Variants in FHIT observed in about 807,000 individuals in gnomAD.
FHIT encodes the protein fragile histidine triad diadenosine triphosphatase, also known as bis(5'-adenosyl)-triphosphatase.
In FHIT, 19 loss-of-function variants were observed where a neutral mutation model predicts 17.9. That is an observed-to-expected ratio of 1.06 (90% CI 0.74 to 1.56). FHIT has a LOEUF of 1.56. FHIT is among the 40% of genes most tolerant of loss of function. The pLI, the probability that FHIT is intolerant of heterozygous loss-of-function variation, is 0.00. For missense variants in FHIT, 248 were observed against 189.2 expected, an observed-to-expected ratio of 1.31 and a Z score of -1.82; for synonymous variants, 81 against 69.7, an observed-to-expected ratio of 1.16 and a Z score of -0.81.
chr3:60,555,562 G>A (rs2036712983), intron 4 of FHIT, among the ~76,000 whole-genome samples: 3 of 152,152 alleles, frequency 2.0e-5, no homozygotes, highest in Admixed American at 6.5e-5. Context: ...TTTCTCAGCA[G>A]CTCTTAGAAT....
chr3:60,813,777 A>T (rs1331628695), intron 4 of FHIT, among the ~76,000 whole-genome samples: 2 of 152,212 alleles, frequency 1.3e-5, no homozygotes, highest in East Asian at 1.9e-4. Context: ...GAATTTTATC[A>T]AGTCTATATT....
intron 5 of FHIT, among the ~76,000 whole-genome samples, chr3:60,529,292 T>C (rs2035684153): frequency 1.3e-5 from 2 of 152,282 alleles, no homozygotes; most frequent in African/African-American, 4.8e-5. Context: ...GTATTTTGTA[T>C]ATATAATAAA....
chr3:60,669,276 T>C (rs1337804832), intron 4 of FHIT, among the ~76,000 whole-genome samples: 1 of 152,194 alleles, frequency 6.6e-6, no homozygotes, highest in African/African-American at 2.4e-5. Flanking sequence ...TCCTTGCAAA[T>C]GGACATAGGA....
intron 5 of FHIT, among the ~76,000 whole-genome samples, chr3:60,478,750 C>T (rs1418165015): frequency 6.6e-6 from 1 of 152,142 alleles, no homozygotes; most frequent in Non-Finnish European, 1.5e-5. Context: ...AAAAGGTGCT[C>T]CATTTTTTTG....
At chr3:60,726,653 T>A (rs2041922083) in intron 4 of FHIT, among the ~76,000 whole-genome samples, 1 of 152,206 alleles carries the variant, frequency 6.6e-6, no homozygotes, top group Admixed American at 6.5e-5. Flanking sequence ...ATAAATACAA[T>A]AATAATAGCT....
chr3:60,462,235 T>A (rs1421582841), intron 5 of FHIT, among the ~76,000 whole-genome samples: 2 of 152,202 alleles, frequency 1.3e-5, no homozygotes, highest in Non-Finnish European at 2.9e-5. Context: ...GCTGCCGTTC[T>A]AATATCAACT....
chr3:60,872,762 T>A (rs1233211506), intron 3 of FHIT, among the ~76,000 whole-genome samples: 1 of 152,078 alleles, frequency 6.6e-6, no homozygotes, highest in Non-Finnish European at 1.5e-5. Context: ...ACCCAAGTAA[T>A]ACATCTCAGG....
At chr3:61,154,478 AT>A (rs78142518) in intron 2 of FHIT, among the ~76,000 whole-genome samples, 1 of 151,990 alleles carries the variant, frequency 6.6e-6, no homozygotes, top group African/African-American at 2.4e-5. Flanking sequence ...AAATTTTGTT[AT>A]TTTTTTTCCT....
At chr3:59,934,822 G>A (rs980706462) in intron 7 of FHIT, among the ~76,000 whole-genome samples, 1 of 152,010 alleles carries the variant, frequency 6.6e-6, no homozygotes, top group African/African-American at 2.4e-5. Flanking sequence ...AGAACACGAT[G>A]GGGGAAACTG....
chr3:60,044,005 A>C (rs146948378), intron 5 of FHIT, among the ~76,000 whole-genome samples: 1 of 152,330 alleles, frequency 6.6e-6, no homozygotes, highest in Non-Finnish European at 1.5e-5. Context: ...TTAAAGCAAA[A>C]GTACTTATCC....
intron 3 of FHIT, among the ~76,000 whole-genome samples, chr3:61,032,288 C>A (rs1218644976): frequency 6.6e-6 from 1 of 152,268 alleles, no homozygotes; most frequent in East Asian, 1.9e-4. Context: ...GAGCCAGGAA[C>A]CTTCCAGAGC....
chr3:61,122,882 G>T (rs1369771968), intron 2 of FHIT, among the ~76,000 whole-genome samples: 4 of 152,202 alleles, frequency 2.6e-5, no homozygotes, highest in Admixed American at 2.6e-4. Context: ...TGGAGAAATA[G>T]GAATGCTTTT....
intron 4 of FHIT, among the ~76,000 whole-genome samples, chr3:60,593,792 A>G (rs1464079852): frequency 2.6e-5 from 4 of 152,120 alleles, no homozygotes; most frequent in African/African-American, 9.7e-5. Flanking sequence ...AAGAACTCAG[A>G]GACAGCCAAT....
Position 60,462,337 on chromosome 3 carries a change from C to G in FHIT, c.103+74523G>C, listed in dbSNP as rs116953026. ...CTGAGGCACAGAGTTGGCAAGGTTG[C>G]TAAGTGGCCAAGTTTGGTTTGAAGC... On this transcript the variant is annotated intron_variant, in intron 5 of 9. Coordinates refer to ENST00000492590, the MANE Select transcript of FHIT (RefSeq NM_002012.4). 3.0e-4 allele frequency among the ~76,000 whole-genome samples: 46 copies of G among 152,282 alleles called. No homozygotes were observed. The East Asian group carries it at 8.7e-3, about 29-fold the overall frequency.
chr3:60,594,716 T>C (rs1189643388), intron 4 of FHIT, among the ~76,000 whole-genome samples: 1 of 152,126 alleles, frequency 6.6e-6, no homozygotes, highest in Non-Finnish European at 1.5e-5. Context: ...ACCCTTGTTC[T>C]AGAAAGCCCA....
intron 2 of FHIT, among the ~76,000 whole-genome samples, chr3:61,132,030 G>C (rs1234215114): frequency 6.6e-6 from 1 of 152,150 alleles, no homozygotes; most frequent in African/African-American, 2.4e-5. Flanking sequence ...GGTAGAATAG[G>C]GATGATATGC....
At chr3:60,124,994 G>T (rs554261120) in intron 5 of FHIT, among the ~76,000 whole-genome samples, 1 of 152,196 alleles carries the variant, frequency 6.6e-6, no homozygotes, top group Non-Finnish European at 1.5e-5. Flanking sequence ...GTTCCCAAAT[G>T]CTTCTCACGC....
At chr3:61,044,515 C>T (rs1173219928) in intron 2 of FHIT, among the ~76,000 whole-genome samples, 1 of 151,982 alleles carries the variant, frequency 6.6e-6, no homozygotes, top group Non-Finnish European at 1.5e-5. Flanking sequence ...GATTGGTGTA[C>T]CTGAAAGTGA....
At chr3:60,719,956 G>A (rs1275845754) in intron 4 of FHIT, among the ~76,000 whole-genome samples, 1 of 152,044 alleles carries the variant, frequency 6.6e-6, no homozygotes, top group Non-Finnish European at 1.5e-5. Flanking sequence ...CTTCTATTCT[G>A]TTTCACTTAC....
Sources: gnomAD v4.1 joint callset for allele counts (sites outside exome capture counted in the v4.1 genomes callset) on GRCh38, gnomAD v4.1.1 for gene constraint, MANE v1.5 for transcripts, NCBI Gene and HGNC (gene_info 2026-07-23, HGNC 2026-07-21) for gene names.